Variants in CD2AP observed in about 807,000 individuals in gnomAD.
The protein encoded by CD2AP is CD2 associated protein.
In CD2AP, 46 loss-of-function variants were observed where a neutral mutation model predicts 85.1. The ratio of observed to expected loss-of-function variants is 0.54; its 90% confidence interval spans 0.43 to 0.69. CD2AP has a LOEUF of 0.69. Ranked by LOEUF, CD2AP falls within the 30% of genes least tolerant of loss-of-function variation. CD2AP has a pLI of 0.00. For missense variants in CD2AP, 769 were observed against 729.5 expected (o/e 1.05, Z -0.62); for synonymous variants, 255 against 252.9 (o/e 1.01, Z -0.08).
intron 5 of CD2AP, among the ~76,000 whole-genome samples, chr6:47,568,917 G>T (rs1221650133): frequency 6.6e-6 from 1 of 152,154 alleles, no homozygotes; most frequent in Admixed American, 6.5e-5. Flanking sequence ...GAAGGAGAGA[G>T]CCAGAAAGAA....
At chr6:47,557,031 A>G (rs60122657) in intron 5 of CD2AP, among the ~76,000 whole-genome samples, 2 of 152,198 alleles carry the variant, frequency 1.3e-5, no homozygotes, top group South Asian at 2.1e-4. Flanking sequence ...CTGGCATGAG[A>G]TGGTAGCTCA....
chr6:47,612,717 G>A (rs559274053), intron 17 of CD2AP, among the ~76,000 whole-genome samples, 181 bp downstream of exon 17: 37 of 152,148 alleles, frequency 2.4e-4, no homozygotes, highest in African/African-American at 6.5e-4. Flanking sequence ...GCAACAACAT[G>A]GATGGAACTG....
intron 3 of CD2AP, among the ~76,000 whole-genome samples, chr6:47,543,148 C>CAAAAAAAAAAAA (rs11338409): frequency 1.9e-3 from 114 of 60,276 alleles, no homozygotes; most frequent in East Asian, 4.2e-3. Context: ...AAGACTGTCT[C>CAAAAAAAAAAAA]AAAAAAAAAA....
At chr6:47,481,063 G>T (rs1765429868) in intron 1 of CD2AP, among the ~76,000 whole-genome samples, 1 of 152,160 alleles carries the variant, frequency 6.6e-6, no homozygotes, top group Non-Finnish European at 1.5e-5. Flanking sequence ...AAGAATTTGG[G>T]AAGAGCTCTA....
chr6:47,568,877 A>G (rs1768073583), intron 5 of CD2AP, among the ~76,000 whole-genome samples: 1 of 152,232 alleles, frequency 6.6e-6, no homozygotes, highest in Non-Finnish European at 1.5e-5. Flanking sequence ...ACTGAGGAAG[A>G]TTAACTGAAA....
At chr6:47,618,185 T>G (rs1769646916) in intron 17 of CD2AP, among the ~76,000 whole-genome samples, 1 of 152,116 alleles carries the variant, frequency 6.6e-6, no homozygotes, top group Non-Finnish European at 1.5e-5. Flanking sequence ...CTGGGCATGG[T>G]GGTACACACC....
intron 5 of CD2AP, among the ~76,000 whole-genome samples, chr6:47,570,769 A>G (rs1415772076): frequency 6.6e-6 from 1 of 152,196 alleles, no homozygotes; most frequent in East Asian, 1.9e-4. Flanking sequence ...TTGGGCAAAT[A>G]TAATGGAGGG....
chr6:47,480,840 A>G (rs1765423920), intron 1 of CD2AP, among the ~76,000 whole-genome samples: 1 of 152,266 alleles, frequency 6.6e-6, no homozygotes, highest in African/African-American at 2.4e-5. Context: ...ATTGAATTTT[A>G]TGTGATATAA....
At chr6:47,494,269 T>C (rs1177693212) in intron 1 of CD2AP, among the ~76,000 whole-genome samples, 2 of 152,172 alleles carry the variant, frequency 1.3e-5, no homozygotes, top group Non-Finnish European at 2.9e-5. Context: ...CACATTCCTG[T>C]AGTGTCTTTG....
chr6:47,559,237 C>T (rs1158304184), intron 5 of CD2AP, among the ~76,000 whole-genome samples: 3 of 150,642 alleles, frequency 2.0e-5, no homozygotes, highest in Non-Finnish European at 4.4e-5. Context: ...GTCTGGCTAA[C>T]GGTCTCTCTG....
chr6:47,534,935 C>G (rs1766988585), intron 3 of CD2AP, among the ~76,000 whole-genome samples: 1 of 151,834 alleles, frequency 6.6e-6, no homozygotes, highest in African/African-American at 2.4e-5. Flanking sequence ...GCTGTGACTA[C>G]AGGTGTGTGC....
At chr6:47,603,352 G>A (rs1014815642) in intron 13 of CD2AP, among the ~76,000 whole-genome samples, 5 of 151,646 alleles carry the variant, frequency 3.3e-5, no homozygotes, top group South Asian at 2.1e-4. Flanking sequence ...GCTTTTCATC[G>A]TTGTAATTTC....
rs572445841 is a variant in CD2AP, at chr6:47,505,428, C to T, written c.165+1988C>T. ...AATGAAAAGTCTCCCATGTCTACCT[C>T]TTTCTACACAGACACGGCAACCATC... is the stretch of plus-strand genomic sequence containing the variant. On this transcript the variant is annotated intron_variant, in intron 2 of 17. Transcript: ENST00000359314. 7.3e-5 allele frequency among the ~76,000 whole-genome samples: 11 copies of T among 150,676 alleles called. No homozygotes were observed. The East Asian group carries it at 2.2e-3, about 30-fold the overall frequency.
chr6:47,609,043 T>G, intron 15 of CD2AP, 80 bp from the exon 16 acceptor site: 1 of 1,141,644 alleles, frequency 8.8e-7, no homozygotes, highest in Non-Finnish European at 1.2e-6. Flanking sequence ...TACTTAATTG[T>G]TTTTCTTCTT....
At chr6:47,571,360 A>C (rs1768146528) in intron 5 of CD2AP, among the ~76,000 whole-genome samples, 3 of 152,208 alleles carry the variant, frequency 2.0e-5, no homozygotes. Context: ...TAGACTGCAC[A>C]GGACTGGTAT....
chr6:47,498,004 C>G (rs1461550897), intron 1 of CD2AP, among the ~76,000 whole-genome samples: 1 of 151,706 alleles, frequency 6.6e-6, no homozygotes, highest in African/African-American at 2.4e-5. Flanking sequence ...TCATGTCTTC[C>G]TCTGTTTTGG....
At chr6:47,565,590 T>A (rs1485964444) in intron 5 of CD2AP, among the ~76,000 whole-genome samples, 1 of 152,086 alleles carries the variant, frequency 6.6e-6, no homozygotes, top group Non-Finnish European at 1.5e-5. Flanking sequence ...TTTTTCCTGC[T>A]CCATGTAATC....
chr6:47,548,972 A>C (rs1354974469), intron 4 of CD2AP, among the ~76,000 whole-genome samples: 2 of 152,194 alleles, frequency 1.3e-5, no homozygotes, highest in East Asian at 3.8e-4. Flanking sequence ...ATCTCAATAG[A>C]TGCAGAAAAA....
intron 17 of CD2AP, among the ~76,000 whole-genome samples, chr6:47,616,082 C>CTTTTTTTTTTTTTTTTTTTTTTTTTT (rs562350159): frequency 1.6e-5 from 1 of 63,824 alleles, no homozygotes; most frequent in Non-Finnish European, 2.9e-5. Flanking sequence ...TGCGCCTGGC[C>CTTTTTTTTTTTTTTTTTTTTTTTTTT]TTTTTTTTTT....
Sources: gnomAD v4.1 joint callset for allele counts (sites outside exome capture counted in the v4.1 genomes callset) on GRCh38, gnomAD v4.1.1 for gene constraint, MANE v1.5 for transcripts, NCBI Gene and HGNC (gene_info 2026-07-23, HGNC 2026-07-21) for gene names.